The following AKAP1 variants were observed in gnomAD, a reference collection of about 807,000 sequenced individuals.
AKAP1 encodes A-kinase anchoring protein 1.
Under a neutral mutation model 79.8 loss-of-function variants are expected in AKAP1, and 32 were observed. That is an observed-to-expected ratio of 0.40 (90% CI 0.30 to 0.54). AKAP1 has a LOEUF of 0.54. AKAP1 is among the 20% of genes least tolerant of loss of function. The probability of loss-of-function intolerance (pLI) is 0.47; values close to 1 mark genes in which losing one functional copy is unlikely to be tolerated. For missense variants in AKAP1, 961 were observed against 1,138.9 expected, an observed-to-expected ratio of 0.84 and a Z score of 2.25; for synonymous variants, 416 against 466.7, an observed-to-expected ratio of 0.89 and a Z score of 1.40.
chr17:57,096,745 C>G (rs923703288), intron 1 of AKAP1: 3 of 152,372 alleles, frequency 2.0e-5, no homozygotes, highest in Non-Finnish European at 4.4e-5. Context: ...GGTGGCAGAA[C>G]CGAGCACTAC....
rs1301778507 is a variant in AKAP1 at position 57,112,484 on chromosome 17, T to C, written c.1976-7T>C. ...GATTGTATGTCCTGCCCCCATCCGCTATTTAGGCTCTCAACATCATGTAGA... is the reference window on the plus strand; with the variant it reads ...GATTGTATGTCCTGCCCCCATCCGCCATTTAGGCTCTCAACATCATGTAGA... On this transcript the variant is annotated splice_region_variant and splice_polypyrimidine_tract_variant and intron_variant, in intron 4 of 10. Transcript: ENST00000337714. 1.2e-6 allele frequency: 2 copies of C among 1,613,130 alleles called. No individual in the cohort carries two copies. Among genetic ancestry groups the C allele is most frequent in the Non-Finnish European group, 1.7e-6 (2 of 1,179,590 alleles).
Position 57,087,682 on chromosome 17 carries a change from C to A in AKAP1, c.-25+2284C>A, listed in dbSNP as rs150669492. Reference sequence around the variant, plus strand: ...GACTGACTTTGTTTCTCTTGAATTACTTGAGTGACTTGAATTCTATTAAAA... The same window carrying A: ...GACTGACTTTGTTTCTCTTGAATTAATTGAGTGACTTGAATTCTATTAAAA... On this transcript the variant is annotated intron_variant, in intron 1 of 10. Transcript: ENST00000337714. Among the ~76,000 whole-genome samples, 1,501 of 152,288 alleles carry A rather than the reference C, an allele frequency of 9.9e-3. 16 individuals carry two copies. Among genetic ancestry groups the A allele is most frequent in the Non-Finnish European group, 0.013 (901 of 68,014 alleles).
chr17:57,112,453 T>C, intron 4 of AKAP1, 38 bp from the exon 5 acceptor site: 2 of 1,602,634 alleles, frequency 1.2e-6, no homozygotes, highest in South Asian at 2.3e-5. Flanking sequence ...AGTTTCCTCT[T>C]ACAGTGATTG....
At chr17:57,109,690 C>T (rs1915115151) in intron 2 of AKAP1, among the ~76,000 whole-genome samples, 1 of 152,218 alleles carries the variant, frequency 6.6e-6, no homozygotes, top group Non-Finnish European at 1.5e-5. Flanking sequence ...TGTCTCCTCC[C>T]CCGCCCTCTG....
At chr17:57,114,704 T>G in intron 6 of AKAP1, 68 bp downstream of exon 6, 3 of 1,451,404 alleles carry the variant, frequency 2.1e-6, no homozygotes, top group Non-Finnish European at 1.9e-6. Context: ...TGGATCCTGA[T>G]CAGGAGGAGG....
At position 57,120,567 on chromosome 17, in the gene AKAP1, G is replaced by GT. The variant is rs1915865897; in HGVS notation, c.*246dup. 3.8e-6 allele frequency: 1 copy of GT among 261,728 alleles called. No individual in the cohort carries two copies. Among genetic ancestry groups the GT allele is most frequent in the Non-Finnish European group, 6.8e-6 (1 of 146,258 alleles). The allele number at this position is 261,728 out of a possible 1,614,324, so 16.2% of individuals were successfully genotyped here. A position where few individuals can be genotyped will look rare whatever the true frequency, so the allele number is the denominator to read the frequency against. On this transcript the variant is annotated 3_prime_UTR_variant, in exon 11 of 11. Transcript: ENST00000337714. ...AGCTGGCTTATGCTGGTTCTCAGCT[G>GT]TTTAAAAAAAAAAAAAAAAAGGAAT...
intron 10 of AKAP1, among the ~76,000 whole-genome samples, chr17:57,119,992 AT>A (rs1915831618): frequency 6.6e-6 from 1 of 151,494 alleles, no homozygotes; most frequent in Non-Finnish European, 1.5e-5. Context: ...CACCTGGCTA[AT>A]TTTTGTATGT....
intron 1 of AKAP1, among the ~76,000 whole-genome samples, chr17:57,091,568 G>A (rs1221117922): frequency 2.6e-5 from 4 of 152,076 alleles, no homozygotes; most frequent in African/African-American, 4.8e-5. Flanking sequence ...GAGGCAGCCC[G>A]GGGAGCTGGG....
At chr17:57,109,589 C>T (rs1915107411) in intron 2 of AKAP1, among the ~76,000 whole-genome samples, 1 of 152,190 alleles carries the variant, frequency 6.6e-6, no homozygotes, top group African/African-American at 2.4e-5. Flanking sequence ...AGGAGACTGA[C>T]CCTTGGTCTG....
chr17:57,119,117 A>G lies in AKAP1; in HGVS notation c.2637+73A>G, dbSNP rs1915768191. 3.3e-6 allele frequency: 5 copies of G among 1,510,262 alleles called. No homozygotes were observed. The South Asian group carries it at 3.4e-5, about 10-fold the overall frequency. The allele number at this position is 1,510,262 out of a possible 1,614,324, so 93.6% of individuals were successfully genotyped here. On this transcript the variant is annotated intron_variant, in intron 10 of 10. Transcript: ENST00000337714. ...GGATTGATTAGGAGCTGGTCCTGGG[A>G]TTTGTTTCCTCTTGAGTTAATCAGA...
intron 1 of AKAP1, chr17:57,095,365 C>T (rs1256893044): frequency 6.6e-6 from 1 of 151,646 alleles, no homozygotes; most frequent in Non-Finnish European, 1.5e-5. Flanking sequence ...TACAAGGTCT[C>T]ACTATATTGC....
At chr17:57,100,108 C>T (rs1274009658) in intron 1 of AKAP1, among the ~76,000 whole-genome samples, 1 of 152,158 alleles carries the variant, frequency 6.6e-6, no homozygotes, top group Admixed American at 6.5e-5. Context: ...GAGTCTGCGG[C>T]CTTGGGCCCT....
At chr17:57,089,200 A>G (rs774566635) in intron 1 of AKAP1, among the ~76,000 whole-genome samples, 2 of 152,176 alleles carry the variant, frequency 1.3e-5, no homozygotes, top group African/African-American at 2.4e-5. Flanking sequence ...AGTTAGACCA[A>G]ACGTGCCCAG....
intron 1 of AKAP1, among the ~76,000 whole-genome samples, chr17:57,102,973 T>C (rs536700472): frequency 6.6e-6 from 1 of 152,088 alleles, no homozygotes; most frequent in South Asian, 2.1e-4. Flanking sequence ...CCAGCTACTC[T>C]GGAGGCTGAG....
chr17:57,099,651 G>A (rs983875824), intron 1 of AKAP1, among the ~76,000 whole-genome samples: 3 of 152,186 alleles, frequency 2.0e-5, no homozygotes, highest in Non-Finnish European at 2.9e-5. Context: ...GTGGTGGTCT[G>A]AGGGCTTAGA....
intron 4 of AKAP1, 71 bp downstream of exon 4, chr17:57,111,995 T>G: frequency 6.4e-7 from 1 of 1,554,906 alleles, no homozygotes; most frequent in Non-Finnish European, 8.7e-7. Flanking sequence ...CATCTGAGTT[T>G]CAATTGCTAT....
chr17:57,107,749 A>G (rs1914986666), intron 2 of AKAP1, among the ~76,000 whole-genome samples: 1 of 151,586 alleles, frequency 6.6e-6, no homozygotes, highest in Admixed American at 6.6e-5. Flanking sequence ...TATGGGTGTG[A>G]GTGTTTTGAA....
At chr17:57,097,494 G>A (rs1292290544) in intron 1 of AKAP1, among the ~76,000 whole-genome samples, 1 of 152,242 alleles carries the variant, frequency 6.6e-6, no homozygotes, top group Non-Finnish European at 1.5e-5. Context: ...GGAGAACTCC[G>A]AGTTTGTGAT....
intron 1 of AKAP1, among the ~76,000 whole-genome samples, chr17:57,091,386 G>A (rs996105085): frequency 3.9e-5 from 6 of 152,212 alleles, no homozygotes; most frequent in African/African-American, 1.4e-4. Flanking sequence ...AGCTGCTGCT[G>A]TCTCTGCTGC....
Sources: allele counts gnomAD v4.1 joint callset (sites outside exome capture counted in the v4.1 genomes callset), GRCh38; gene constraint gnomAD v4.1.1; transcripts MANE v1.5; gene names NCBI Gene and HGNC (gene_info 2026-07-23, HGNC 2026-07-21).